RGL1: variants seen among roughly 807,000 people sequenced by gnomAD.
RGL1 encodes ral guanine nucleotide dissociation stimulator-like 1.
RGL1 carries 24 observed loss-of-function variants against 95.2 expected under a neutral mutation model. The ratio of observed to expected loss-of-function variants is 0.25; its 90% CI spans 0.18 to 0.35. The LOEUF (loss-of-function observed/expected upper bound fraction) is 0.35. Among genes scored for constraint, RGL1 ranks in the 10% least tolerant of loss-of-function variants. The pLI is 1.00. For missense variants in RGL1, 715 were observed against 936.3 expected (o/e 0.76, Z 3.08); for synonymous variants, 329 against 344.9 (o/e 0.95, Z 0.51).
At chr1:183,843,617 T>C (rs945473549) in intron 2 of RGL1, among the ~76,000 whole-genome samples, 2 of 152,196 alleles carry the variant, frequency 1.3e-5, no homozygotes, top group African/African-American at 4.8e-5. Context: ...TCATCACTTT[T>C]GATAAGAAGG....
intron 3 of RGL1, among the ~76,000 whole-genome samples, chr1:183,851,228 T>C (rs1664807085): frequency 6.6e-6 from 1 of 152,202 alleles, no homozygotes; most frequent in South Asian, 2.1e-4. Flanking sequence ...GAATTTAATC[T>C]CATAAACAGA....
chr1:183,897,555 A>G (rs1667772740), intron 9 of RGL1, among the ~76,000 whole-genome samples: 1 of 152,000 alleles, frequency 6.6e-6, no homozygotes, highest in Admixed American at 6.6e-5. Flanking sequence ...TCTCAAAAAA[A>G]AAAAAAACAA....
At chr1:183,871,229 A>G (rs1375276145) in intron 4 of RGL1, among the ~76,000 whole-genome samples, 1 of 152,202 alleles carries the variant, frequency 6.6e-6, no homozygotes, top group Non-Finnish European at 1.5e-5. Flanking sequence ...ACAGGAAGAA[A>G]CACATACACA....
At chr1:183,917,960 GA>G (rs1461210325) in intron 16 of RGL1, among the ~76,000 whole-genome samples, 1 of 152,202 alleles carries the variant, frequency 6.6e-6, no homozygotes, top group Non-Finnish European at 1.5e-5. Context: ...TGTAGGAGAG[GA>G]TAAGGGCTTG....
In RGL1 at chr1:183,912,071, T is replaced by C. The variant is rs760997681; in HGVS notation, c.1563-11T>C. 1 of 1,607,460 alleles carries C rather than the reference T, an allele frequency of 6.2e-7. No individual in the cohort carries two copies. On this transcript the variant is annotated splice_polypyrimidine_tract_variant and intron_variant, in intron 14 of 17. Coordinates refer to ENST00000360851, the MANE Select transcript of RGL1 (RefSeq NM_001297671.3). Reference sequence around the variant, plus strand: ...AACAGCCCAAATGCTTGGCATTCTGTTTTTTTCCAGACTGTTTCTAGGGTC... The same window carrying C: ...AACAGCCCAAATGCTTGGCATTCTGCTTTTTTCCAGACTGTTTCTAGGGTC...
In RGL1 at chr1:183,734,086, C is replaced by A. The variant is rs538684478; in HGVS notation, c.-32-8040C>A. Among the ~76,000 whole-genome samples the A allele has an allele frequency of 3.3e-5, 5 of 152,296 alleles. No individual in the cohort carries two copies. In the South Asian group the frequency reaches 1.0e-3, roughly 32 times the overall value. On this transcript the variant is annotated intron_variant, in intron 1 of 18. Coordinates refer to the RGL1 transcript ENST00000304685. The stretch of plus-strand genomic sequence containing the variant: ...GATTGAGAACAGATTGCTCTTTAAC[C>A]TGAAATGTGGAAGGGCTAGTCGATT...
intron 2 of RGL1, among the ~76,000 whole-genome samples, chr1:183,794,345 G>A (rs1660592655): frequency 6.6e-6 from 1 of 152,180 alleles, no homozygotes; most frequent in African/African-American, 2.4e-5. Context: ...CAGTTGGAAG[G>A]ATTAAGTTTT....
intron 1 of RGL1, among the ~76,000 whole-genome samples, chr1:183,733,748 C>G (rs559474861): frequency 3.1e-4 from 47 of 152,270 alleles, no homozygotes; most frequent in African/African-American, 1.1e-3. Context: ...GTGTTTTGGT[C>G]TTCAACACTA....
chr1:183,884,847 C>T lies in RGL1; in HGVS notation c.860C>T (p.Thr287Ile), dbSNP rs1667023622. 6.2e-7 allele frequency: 1 copy of T among 1,614,132 alleles called. No homozygotes were observed. Among genetic ancestry groups the T allele is most frequent in the Non-Finnish European group, 8.5e-7 (1 of 1,179,998 alleles). Residue 287 changes from threonine to isoleucine, a missense_variant, in exon 7 of 18, where the codon ACC (threonine) becomes ATC (isoleucine). This residue lies in a region of RGL1 where 381 missense variants were observed against 484.8 expected (regional missense o/e 0.79). Transcript: ENST00000360851. ...RATISQFNTL[T>I]KCVVSTILGG... Reference sequence around the variant, plus strand: ...ACCATCTCTCAGTTTAATACCCTCACCAAATGTGTTGTCAGCACCATCCTG... The same window carrying T: ...ACCATCTCTCAGTTTAATACCCTCATCAAATGTGTTGTCAGCACCATCCTG...
chr1:183,841,955 C>A (rs1490822425), intron 2 of RGL1, among the ~76,000 whole-genome samples: 1 of 152,100 alleles, frequency 6.6e-6, no homozygotes, highest in Non-Finnish European at 1.5e-5. Flanking sequence ...ATTTCAAAAT[C>A]TGAAAAATTC....
intron 16 of RGL1, among the ~76,000 whole-genome samples, chr1:183,917,795 G>A (rs1669066931): frequency 6.6e-6 from 1 of 152,242 alleles, no homozygotes; most frequent in Non-Finnish European, 1.5e-5. Flanking sequence ...CCCACACAGA[G>A]GAGTGTGTTA....
intron 2 of RGL1, among the ~76,000 whole-genome samples, chr1:183,829,619 C>A (rs1047379302): frequency 6.6e-6 from 1 of 152,028 alleles, no homozygotes; most frequent in African/African-American, 2.4e-5. Flanking sequence ...CCTGATAATA[C>A]CCACCTGCTT....
At chr1:183,700,606 T>C (rs1654535410) in intron 1 of RGL1, among the ~76,000 whole-genome samples, 1 of 150,770 alleles carries the variant, frequency 6.6e-6, no homozygotes, top group South Asian at 2.1e-4. Context: ...AGTGCAGTGG[T>C]GTGATCTCGG....
At chr1:183,720,496 A>G (rs1655960427) in intron 1 of RGL1, among the ~76,000 whole-genome samples, 1 of 152,332 alleles carries the variant, frequency 6.6e-6, no homozygotes, top group South Asian at 2.1e-4. Flanking sequence ...GGTGCTGCCA[A>G]TGTGCAAAGA....
intron 2 of RGL1, among the ~76,000 whole-genome samples, chr1:183,835,599 T>A (rs1173981301): frequency 6.6e-6 from 1 of 152,166 alleles, no homozygotes; most frequent in Non-Finnish European, 1.5e-5. Context: ...GGATTTTGTT[T>A]CCCCCCAAAG....
intron 12 of RGL1, among the ~76,000 whole-genome samples, chr1:183,903,808 C>T (rs1366370984): frequency 6.6e-6 from 1 of 152,188 alleles, no homozygotes; most frequent in Non-Finnish European, 1.5e-5. Flanking sequence ...AGGAGCTAAA[C>T]AAAGCTGGGC....
At chr1:183,832,655 G>T (rs914746432) in intron 2 of RGL1, among the ~76,000 whole-genome samples, 8 of 152,152 alleles carry the variant, frequency 5.3e-5, no homozygotes, top group African/African-American at 1.7e-4. Flanking sequence ...CTGACTGTGG[G>T]TCCAGACTGC....
intron 2 of RGL1, among the ~76,000 whole-genome samples, chr1:183,746,849 A>G (rs1051759551): frequency 8.6e-5 from 13 of 151,606 alleles, no homozygotes; most frequent in Admixed American, 3.9e-4. Context: ...CCCTGTGTCC[A>G]TGTGTTCTCA....
At chr1:183,752,893 T>G (rs148505588) in intron 2 of RGL1, among the ~76,000 whole-genome samples, 4 of 152,264 alleles carry the variant, frequency 2.6e-5, no homozygotes, top group African/African-American at 9.6e-5. Context: ...TGTAACATCT[T>G]TTCTCTATAA....
Sources: gnomAD v4.1 joint callset for allele counts (sites outside exome capture counted in the v4.1 genomes callset) on GRCh38, gnomAD v4.1.1 for gene constraint, gnomAD v4.1.1 regional missense constraint, MANE v1.5 for transcripts, NCBI Gene and HGNC (gene_info 2026-07-23, HGNC 2026-07-21) for gene names.